ACYP2: variants seen among roughly 807,000 people sequenced by gnomAD.
ACYP2 encodes acylphosphatase 2.
A neutral mutation model predicts 11.2 loss-of-function variants in ACYP2; 12 were observed. The observed-to-expected ratio is 1.08, with a 90% confidence interval of 0.69 to 1.74. The LOEUF is 1.74. Among genes scored for constraint, ACYP2 ranks in the 40% most tolerant of loss-of-function variants. ACYP2 has a pLI of 0.00. For missense variants in ACYP2, 134 were observed against 101.9 expected, an observed-to-expected ratio of 1.31 and a Z score of -1.35; for synonymous variants, 43 against 32.2, an observed-to-expected ratio of 1.33 and a Z score of -1.13.
At chr2:53,983,789 G>C (rs1027251257) in intron 2 of ACYP2, among the ~76,000 whole-genome samples, 17 of 152,180 alleles carry the variant, frequency 1.1e-4, no homozygotes, top group African/African-American at 3.4e-4. Flanking sequence ...TTGCAAGCAA[G>C]TTAATAAGCA....
At position 54,016,360 on chromosome 2, in the gene ACYP2, A is replaced by AT. The variant is rs202179833; in HGVS notation, c.63-34588dup. ...TGATTCATTAGTTACATTCTTATTA[A>AT]TTTTTTTTTTAATTCAGAAGAGGCT... On this transcript the variant is annotated intron_variant, in intron 2 of 6. Transcript: ENST00000607452. Among the ~76,000 whole-genome samples the AT allele has an allele frequency of 9.5e-3, 1,422 of 149,866 alleles. 49 individuals are homozygous for AT. Among genetic ancestry groups the AT allele is most frequent in the East Asian group, 0.064 (327 of 5,106 alleles).
At chr2:53,980,699 G>A (rs1671710579) in intron 2 of ACYP2, among the ~76,000 whole-genome samples, 1 of 151,946 alleles carries the variant, frequency 6.6e-6, no homozygotes, top group Admixed American at 6.6e-5. Flanking sequence ...ATAACCTAGA[G>A]CAAGTTCTAG....
chr2:54,191,213 A>G (rs1684224868), intron 6 of ACYP2, among the ~76,000 whole-genome samples: 1 of 151,904 alleles, frequency 6.6e-6, no homozygotes, highest in South Asian at 2.1e-4. Context: ...AATAAAACCC[A>G]AAGTCCTTGC....
At chr2:54,021,711 G>A (rs10084355) in intron 2 of ACYP2, among the ~76,000 whole-genome samples, 81,876 of 152,000 alleles carry the variant, frequency 0.54, 22,330 homozygotes, top group East Asian at 0.71. Flanking sequence ...TCCTGAATAC[G>A]AATGTCCACA....
At chr2:54,202,550 G>A (rs1684892508) in intron 6 of ACYP2, among the ~76,000 whole-genome samples, 1 of 151,092 alleles carries the variant, frequency 6.6e-6, no homozygotes, top group South Asian at 2.1e-4. Context: ...TGGGATTACT[G>A]GTGCCCACCA....
intron 6 of ACYP2, among the ~76,000 whole-genome samples, chr2:54,295,948 A>C (rs1323944307): frequency 1.3e-5 from 2 of 152,104 alleles, no homozygotes; most frequent in Non-Finnish European, 2.9e-5. Flanking sequence ...TTTAGTAGAG[A>C]CAGAGTTTCA....
intron 2 of ACYP2, among the ~76,000 whole-genome samples, chr2:53,997,492 G>C (rs1169718205): frequency 1.3e-5 from 2 of 152,026 alleles, no homozygotes; most frequent in Non-Finnish European, 2.9e-5. Context: ...TTTTAGTAGA[G>C]AGAGGGTTTC....
rs1346947310 is a variant in ACYP2 at position 54,245,292 on chromosome 2, TTTAAG to T, written c.405-59393_405-59389del. Among the ~76,000 whole-genome samples the T allele has an allele frequency of 4.6e-5, 7 of 152,312 alleles. 1 individual carries two copies. The highest frequency in any genetic ancestry group is 4.6e-4 in the Admixed American group (7 of 15,308). On this transcript the variant is annotated intron_variant, in intron 6 of 6. Transcript: ENST00000607452. ...TGATTCATTTATCTATTGTTGGACA[TTTAAG>T]TTGATTCCTTATCTTAGCTACTTTG... is the stretch of plus-strand genomic sequence containing the variant.
chr2:54,267,408 T>G (rs894296016), intron 6 of ACYP2: 1 of 1,495,708 alleles, frequency 6.7e-7, no homozygotes, highest in African/African-American at 1.4e-5. Context: ...TTATACATCC[T>G]AAAGTAAGGG....
At chr2:54,186,995 A>C (rs1469291708) in intron 6 of ACYP2, among the ~76,000 whole-genome samples, 2 of 152,202 alleles carry the variant, frequency 1.3e-5, no homozygotes, top group African/African-American at 2.4e-5. Context: ...CACATTGTCC[A>C]GCTTTAAGTT....
At chr2:54,166,278 C>T (rs562700053) in intron 6 of ACYP2, among the ~76,000 whole-genome samples, 58 of 152,236 alleles carry the variant, frequency 3.8e-4, no homozygotes, top group African/African-American at 1.3e-3. Flanking sequence ...TTATTCATTC[C>T]ACAAATATTA....
intron 6 of ACYP2, among the ~76,000 whole-genome samples, chr2:54,201,632 C>CTTTT (rs1190292116): frequency 1.3e-5 from 1 of 74,296 alleles, no homozygotes; most frequent in African/African-American, 5.0e-5. Flanking sequence ...TTGTTTCTTT[C>CTTTT]TTTCTCTTTC....
chr2:54,028,641 G>A (rs770427844), intron 2 of ACYP2, among the ~76,000 whole-genome samples: 3 of 152,164 alleles, frequency 2.0e-5, no homozygotes, highest in Non-Finnish European at 2.9e-5. Flanking sequence ...ACAAACCATT[G>A]TTTTCTCAGC....
At chr2:54,219,891 A>G (rs796962273) in intron 6 of ACYP2, among the ~76,000 whole-genome samples, 1,832 of 95,628 alleles carry the variant, frequency 0.019, 41 homozygotes, top group East Asian at 0.072. Flanking sequence ...GTATATATAT[A>G]TATATATATA....
intron 6 of ACYP2, among the ~76,000 whole-genome samples, chr2:54,280,659 G>T (rs1003727858): frequency 2.6e-5 from 4 of 152,136 alleles, no homozygotes; most frequent in Non-Finnish European, 4.4e-5. Context: ...CAAGTAAGAT[G>T]GCAAAACAAT....
intron 4 of ACYP2, among the ~76,000 whole-genome samples, chr2:54,103,040 C>T (rs1002610994): frequency 3.3e-5 from 5 of 152,156 alleles, no homozygotes; most frequent in Non-Finnish European, 5.9e-5. Context: ...TATGCCACCC[C>T]TGCACAAGGG....
At chr2:54,214,223 G>T (rs12616857) in intron 6 of ACYP2, among the ~76,000 whole-genome samples, 1 of 152,028 alleles carries the variant, frequency 6.6e-6, no homozygotes. Context: ...TTATTTTGCT[G>T]TGCAGAAGCT....
chr2:54,282,467 C>T (rs80227366), intron 6 of ACYP2, among the ~76,000 whole-genome samples: 1,591 of 152,320 alleles, frequency 0.01, 25 homozygotes, highest in African/African-American at 0.035. Flanking sequence ...GATCCTAAAA[C>T]TATTTCTGAC....
rs1384544379 is a variant in ACYP2, at chr2:54,201,580, C to T, written c.404+62832C>T. Reference sequence around the variant, plus strand: ...TTTAAAATTGGATGATAGCCAGCTTCTTTTTCTTTCTTTCTCTTTCTTTCT... The same window carrying T: ...TTTAAAATTGGATGATAGCCAGCTTTTTTTTCTTTCTTTCTCTTTCTTTCT... On this transcript the variant is annotated intron_variant, in intron 6 of 6. Transcript: ENST00000607452. 7.6e-5 allele frequency among the ~76,000 whole-genome samples: 9 copies of T among 118,316 alleles called. No individual in the cohort carries two copies. In the South Asian group the frequency reaches 1.8e-3, roughly 24 times the overall value. 77.6% of individuals were successfully genotyped at this position (118,316 alleles called of 152,430 possible).
Sources: gnomAD v4.1 joint callset for allele counts (sites outside exome capture counted in the v4.1 genomes callset) on GRCh38, gnomAD v4.1.1 for gene constraint, MANE v1.5 for transcripts, NCBI Gene and HGNC (gene_info 2026-07-23, HGNC 2026-07-21) for gene names.